Variants in SGK3 observed in about 807,000 individuals in gnomAD.
The protein encoded by SGK3 is serine/threonine-protein kinase Sgk3.
A neutral mutation model predicts 68.5 loss-of-function variants in SGK3; 47 were observed. That is an observed-to-expected ratio of 0.69 (90% confidence interval 0.54 to 0.87). The LOEUF (loss-of-function observed/expected upper bound fraction) is 0.87. Among genes scored for constraint, SGK3 ranks in the 40% least tolerant of loss-of-function variants. SGK3 has a pLI of 0.00. For synonymous variants in SGK3, 181 were observed against 189.1 expected, an observed-to-expected ratio of 0.96 and a Z score of 0.35; for missense variants, 479 against 575.5, an observed-to-expected ratio of 0.83 and a Z score of 1.72.
chr8:66,829,407 G>A (rs1304347849), intron 7 of SGK3, among the ~76,000 whole-genome samples: 1 of 152,166 alleles, frequency 6.6e-6, no homozygotes, highest in South Asian at 2.1e-4. Context: ...GTGGTCCAAG[G>A]ACTGCGTCCT....
At chr8:66,798,672 A>G in intron 3 of SGK3, 47 bp downstream of exon 3, 1 of 1,513,564 alleles carries the variant, frequency 6.6e-7, no homozygotes, top group African/African-American at 1.4e-5. Flanking sequence ...AGCACCCGAG[A>G]AAACCCAAAA....
At chr8:66,740,414 G>C (rs1433753025) in intron 1 of SGK3, among the ~76,000 whole-genome samples, 1 of 152,170 alleles carries the variant, frequency 6.6e-6, no homozygotes. Flanking sequence ...AATGTAGCTT[G>C]AGTCTCAGCA....
intron 6 of SGK3, among the ~76,000 whole-genome samples, chr8:66,823,998 T>G (rs1808953798): frequency 6.6e-6 from 1 of 152,160 alleles, no homozygotes; most frequent in African/African-American, 2.4e-5. Flanking sequence ...TTTTGTGATT[T>G]AAAAGATAAT....
At chr8:66,818,237 C>T (rs1035016298) in intron 5 of SGK3, among the ~76,000 whole-genome samples, 2 of 152,096 alleles carry the variant, frequency 1.3e-5, no homozygotes, top group African/African-American at 4.8e-5. Context: ...TAGATAAATA[C>T]ATTTAACATA....
rs1157192803 is a variant in SGK3, at chr8:66,828,674, C to T, written c.438C>T (p.Asn146=). ...SSQKLHSTSQ[N]INLGPSGNPH... ...CACAGCTACACTCTACCTCACAGAA[C>T]ATCAACCTGGGACCGTCTGGAAATC... The change falls in exon 7 of 17, where the codon AAC becomes AAT. Residue 146 remains asparagine (N), a synonymous_variant. Transcript: ENST00000521198. The T allele has an allele frequency of 1.2e-6, 2 of 1,613,982 alleles. No individual in the cohort carries two copies. The highest frequency in any genetic ancestry group is 8.5e-7 in the Non-Finnish European group (1 of 1,179,996).
intron 2 of SGK3, among the ~76,000 whole-genome samples, chr8:66,796,645 C>A (rs1255062135): frequency 1.3e-5 from 2 of 152,028 alleles, no homozygotes; most frequent in Non-Finnish European, 2.9e-5. Flanking sequence ...TTATGTAGTT[C>A]TATACCATGA....
intron 1 of SGK3, among the ~76,000 whole-genome samples, chr8:66,788,533 G>A (rs1224186588): frequency 6.6e-6 from 1 of 152,196 alleles, no homozygotes; most frequent in African/African-American, 2.4e-5. Context: ...CTGAGGCATA[G>A]GCTCAAGGGT....
intron 10 of SGK3, among the ~76,000 whole-genome samples, chr8:66,836,840 C>T (rs1302937375): frequency 6.8e-6 from 1 of 146,736 alleles, no homozygotes; most frequent in Non-Finnish European, 1.5e-5. Flanking sequence ...GCAGTGGTCA[C>T]AGCTCGCTAC....
intron 1 of SGK3, among the ~76,000 whole-genome samples, chr8:66,746,221 T>G (rs2130417324): frequency 6.6e-6 from 1 of 152,336 alleles, no homozygotes. Context: ...GGTTTCGCCC[T>G]CCAACCTCTG....
chr8:66,805,691 CAA>C (rs1808129602), intron 4 of SGK3, among the ~76,000 whole-genome samples: 1 of 152,092 alleles, frequency 6.6e-6, no homozygotes, highest in African/African-American at 2.4e-5. Context: ...TACAGGGAAA[CAA>C]AAGTCTTCTT....
chr8:66,830,962 G>C (rs1809278993), intron 7 of SGK3, among the ~76,000 whole-genome samples: 1 of 152,074 alleles, frequency 6.6e-6, no homozygotes, highest in Non-Finnish European at 1.5e-5. Context: ...TCTACATATA[G>C]GATATGCATA....
chr8:66,714,612 C>CTCA (rs1804581794), intron 1 of SGK3, among the ~76,000 whole-genome samples: 1 of 152,078 alleles, frequency 6.6e-6, no homozygotes, highest in South Asian at 2.1e-4. Context: ...AGCAAGAAGG[C>CTCA]TCATGTTCCT....
At chr8:66,826,856 G>A (rs1809079841) in intron 6 of SGK3, among the ~76,000 whole-genome samples, 1 of 151,738 alleles carries the variant, frequency 6.6e-6, no homozygotes, top group Non-Finnish European at 1.5e-5. Context: ...TGTTGGCCAG[G>A]CTGATCTCGA....
chr8:66,861,298 G>A lies in SGK3; in HGVS notation c.*1717G>A, dbSNP rs2130770519. ...TTGTAACCTACCAACTAACTTACAT[G>A]CTTATAAAAGTAAAGGAGAATAACT... is the stretch of plus-strand genomic sequence containing the variant. On this transcript the variant is annotated 3_prime_UTR_variant, in exon 17 of 17. Transcript: ENST00000521198. 1 of 151,748 alleles carries A rather than the reference G, an allele frequency of 6.6e-6. No homozygotes were observed. Among genetic ancestry groups the A allele is most frequent in the South Asian group, 2.1e-4 (1 of 4,812 alleles). 9.4% of individuals were successfully genotyped at this position (151,748 alleles called of 1,614,324 possible).
intron 1 of SGK3, among the ~76,000 whole-genome samples, chr8:66,777,190 C>T (rs1335290476): frequency 6.6e-6 from 1 of 152,202 alleles, no homozygotes; most frequent in African/African-American, 2.4e-5. Flanking sequence ...ACTCCTTCAC[C>T]TCTGGGTGTT....
chr8:66,806,497 G>A (rs1808169401), intron 4 of SGK3, among the ~76,000 whole-genome samples: 1 of 152,112 alleles, frequency 6.6e-6, no homozygotes, highest in South Asian at 2.1e-4. Context: ...TGTTTTCGCA[G>A]CGGAACACTT....
chr8:66,841,513 A>T (rs531141866), intron 13 of SGK3, among the ~76,000 whole-genome samples: 1 of 152,346 alleles, frequency 6.6e-6, no homozygotes, highest in South Asian at 2.1e-4. Flanking sequence ...TGTTAACAAC[A>T]TTGAATCACA....
intron 1 of SGK3, among the ~76,000 whole-genome samples, chr8:66,740,685 TC>T (rs1805452389): frequency 6.6e-6 from 1 of 152,064 alleles, no homozygotes; most frequent in South Asian, 2.1e-4. Context: ...GGTGGGTGGA[TC>T]ACCTGAGGTC....
At chr8:66,789,177 A>T (rs958719768) in intron 1 of SGK3, among the ~76,000 whole-genome samples, 1 of 152,006 alleles carries the variant, frequency 6.6e-6, no homozygotes, top group African/African-American at 2.4e-5. Context: ...TGTAATTGGT[A>T]TCACCATCTG....
Sources: allele counts gnomAD v4.1 joint callset (sites outside exome capture counted in the v4.1 genomes callset), GRCh38; gene constraint gnomAD v4.1.1; transcripts MANE v1.5; gene names NCBI Gene and HGNC (gene_info 2026-07-23, HGNC 2026-07-21).